The following TEX36 variants were observed in gnomAD, a reference collection of about 807,000 sequenced individuals.
TEX36 encodes the protein testis expressed 36, also known as testis-expressed protein 36.
In TEX36, 12 loss-of-function variants were observed where a neutral mutation model predicts 13.6. The ratio of observed to expected loss-of-function variants is 0.88; its 90% CI spans 0.56 to 1.43. The LOEUF is 1.43. Ranked by LOEUF, TEX36 falls within the 40% of genes most tolerant of loss-of-function variation. The pLI is 0.00. For missense variants in TEX36, 224 were observed against 228.3 expected (o/e 0.98, Z 0.12); for synonymous variants, 93 against 83.0 (o/e 1.12, Z -0.65).
intron 3 of TEX36, among the ~76,000 whole-genome samples, chr10:125,627,119 T>C (rs148740309): frequency 9.8e-5 from 15 of 152,326 alleles, no homozygotes; most frequent in Middle Eastern, 6.8e-3. Flanking sequence ...GTATCTCCCG[T>C]AGGAGAAGAA....
intron 1 of TEX36, among the ~76,000 whole-genome samples, chr10:125,679,305 C>G (rs1392139184): frequency 2.6e-5 from 4 of 152,150 alleles, no homozygotes; most frequent in African/African-American, 9.7e-5. Flanking sequence ...TCAGCTCACT[C>G]CTCAGTCCCA....
intron 1 of TEX36, among the ~76,000 whole-genome samples, chr10:125,677,967 C>A (rs1322152792): frequency 6.6e-6 from 1 of 152,212 alleles, no homozygotes; most frequent in Non-Finnish European, 1.5e-5. Flanking sequence ...CAGGCATGAG[C>A]CACTGCACCC....
intron 3 of TEX36, among the ~76,000 whole-genome samples, chr10:125,597,036 C>T (rs933840783): frequency 2.0e-5 from 3 of 152,208 alleles, no homozygotes; most frequent in Non-Finnish European, 2.9e-5. Context: ...CACCTATGAA[C>T]TGCCTGCCCC....
At chr10:125,662,080 C>T in intron 1 of TEX36, 103 bp from the exon 2 acceptor site, 1 of 1,434,400 alleles carries the variant, frequency 7.0e-7, no homozygotes, top group Non-Finnish European at 9.3e-7. Context: ...AATTTGGGTG[C>T]TTTTGGCATG....
intron 1 of TEX36, among the ~76,000 whole-genome samples, chr10:125,665,832 G>A (rs1847112014): frequency 6.6e-6 from 1 of 152,126 alleles, no homozygotes; most frequent in Non-Finnish European, 1.5e-5. Flanking sequence ...CGACGCAGGA[G>A]CATGAGATAT....
chr10:125,621,572 A>G (rs1294141386), downstream of TEX36: 1 of 456,010 alleles, frequency 2.2e-6, no homozygotes, highest in Non-Finnish European at 4.4e-6. Flanking sequence ...ATATGTATGT[A>G]TAAAATGGAG....
chr10:125,628,016 A>G (rs2133565201), intron 3 of TEX36, among the ~76,000 whole-genome samples: 1 of 152,386 alleles, frequency 6.6e-6, no homozygotes, highest in South Asian at 2.1e-4. Context: ...GTCCAAATTT[A>G]GTATGCCTAC....
chr10:125,645,041 A>G (rs1015842127), intron 3 of TEX36, among the ~76,000 whole-genome samples: 5 of 152,160 alleles, frequency 3.3e-5, no homozygotes, highest in Non-Finnish European at 7.4e-5. Flanking sequence ...TTGTGCCACA[A>G]CCACACAAAC....
chr10:125,608,973 A>T (rs1021749486), intron 3 of TEX36, among the ~76,000 whole-genome samples: 6 of 53,640 alleles, frequency 1.1e-4, no homozygotes, highest in Non-Finnish European at 1.8e-4. Flanking sequence ...CACCTCTACT[A>T]AAAAAAAAAA....
chr10:125,598,756 T>G (rs1460651015), intron 3 of TEX36, among the ~76,000 whole-genome samples: 1 of 152,196 alleles, frequency 6.6e-6, no homozygotes, highest in East Asian at 1.9e-4. Context: ...GTTTAATCAT[T>G]GGCCAGGCTC....
Position 125,682,915 on chromosome 10 carries a change from A to G in TEX36, c.51+24T>C, listed in dbSNP as rs1211236569. On this transcript the variant is annotated intron_variant, in intron 1 of 3. Transcript: ENST00000368821. ...CACACCCACGTGGCATGAGAAAGGC[A>G]CCAGGGGCCACCATCTTCCTTACCC... 1.9e-6 allele frequency: 3 copies of G among 1,551,730 alleles called. No homozygotes were observed. In the East Asian group the frequency reaches 7.3e-5, roughly 38 times the overall value.
In TEX36 at chr10:125,624,679, G is replaced by GAA. The variant is rs199732825; in HGVS notation, c.265-3036_265-3035dup. Reference sequence around the variant, plus strand: ...TACTCATGAGATGTATAATTCTACAGAAAAAAAAAAAAAGGCCTGAAAGCA... The same window carrying GAA: ...TACTCATGAGATGTATAATTCTACAGAAAAAAAAAAAAAAAGGCCTGAAAGCA... On this transcript the variant is annotated intron_variant, in intron 3 of 3. Transcript: ENST00000526819. 4.1e-3 allele frequency among the ~76,000 whole-genome samples: 472 copies of GAA among 116,408 alleles called. 6 individuals carry two copies. Among genetic ancestry groups the GAA allele is most frequent in the African/African-American group, 0.012 (397 of 33,490 alleles). The allele number at this position is 116,408 out of a possible 152,430, so 76.4% of individuals were successfully genotyped here.
chr10:125,663,126 T>C (rs534897882), intron 1 of TEX36, among the ~76,000 whole-genome samples: 1 of 152,346 alleles, frequency 6.6e-6, no homozygotes, highest in Non-Finnish European at 1.5e-5. Context: ...GTGAGCCTGA[T>C]GAGAGAGACT....
rs190277433 is a variant in TEX36 at position 125,612,133 on chromosome 10, T to A, written c.265-35259A>T. ...CAGAGTCTTGCTCTGTCACCCAGGCTGGAGTGAGGTGGCAATCTTGGCTCA... is the reference window on the plus strand; with the variant it reads ...CAGAGTCTTGCTCTGTCACCCAGGCAGGAGTGAGGTGGCAATCTTGGCTCA... On this transcript the variant is annotated intron_variant, in intron 3 of 3. Transcript: ENST00000532135. Among the ~76,000 whole-genome samples the A allele has an allele frequency of 8.8e-4, 132 of 150,494 alleles. 1 individual carries two copies. Among genetic ancestry groups the A allele is most frequent in the Non-Finnish European group, 9.9e-4 (67 of 67,680 alleles).
chr10:125,613,172 G>A (rs1488356607), intron 3 of TEX36, among the ~76,000 whole-genome samples: 1 of 146,644 alleles, frequency 6.8e-6, no homozygotes, highest in Non-Finnish European at 1.5e-5. Flanking sequence ...CTGGAATCCT[G>A]TCTTGGACAA....
chr10:125,634,245 C>T (rs1846596400), intron 3 of TEX36, among the ~76,000 whole-genome samples: 1 of 152,052 alleles, frequency 6.6e-6, no homozygotes, highest in South Asian at 2.1e-4. Flanking sequence ...AGTGTGATTC[C>T]TTCAGCAGAG....
chr10:125,598,823 A>G (rs1437058469), intron 3 of TEX36, among the ~76,000 whole-genome samples: 1 of 152,198 alleles, frequency 6.6e-6, no homozygotes, highest in African/African-American at 2.4e-5. Context: ...TTTTCTGGAA[A>G]AGAAATTCCT....
intron 1 of TEX36, among the ~76,000 whole-genome samples, chr10:125,681,888 G>A (rs1406834496): frequency 1.3e-5 from 2 of 152,198 alleles, no homozygotes; most frequent in African/African-American, 4.8e-5. Flanking sequence ...CAAAGAAACT[G>A]AGACTTAGAA....
downstream of TEX36, among the ~76,000 whole-genome samples, chr10:125,618,818 A>G (rs1193261529): frequency 6.6e-6 from 1 of 151,894 alleles, no homozygotes; most frequent in African/African-American, 2.4e-5. Context: ...TTAAAGAGAT[A>G]AGCCTTGGCC....
Sources: gnomAD v4.1 joint callset for allele counts (sites outside exome capture counted in the v4.1 genomes callset) on GRCh38, gnomAD v4.1.1 for gene constraint, MANE v1.5 for transcripts, NCBI Gene and HGNC (gene_info 2026-07-23, HGNC 2026-07-21) for gene names.